Variants in FKBP15 observed in about 807,000 individuals in gnomAD.
FKBP15 encodes the protein FKBP prolyl isomerase family member 15.
A neutral mutation model predicts 158.1 loss-of-function variants in FKBP15; 106 were observed. The observed-to-expected ratio is 0.67, with a 90% CI of 0.57 to 0.79. The LOEUF is 0.79. FKBP15 is among the 30% of genes least tolerant of loss of function. FKBP15 has a pLI of 0.00. For missense variants in FKBP15, 1,287 were observed against 1,479.1 expected, an observed-to-expected ratio of 0.87 and a Z score of 2.13; for synonymous variants, 547 against 548.6, an observed-to-expected ratio of 1.00 and a Z score of 0.04.
chr9:113,173,645 G>A lies in FKBP15; in HGVS notation c.2380-40C>T, dbSNP rs532219261. On this transcript the variant is annotated intron_variant, in intron 22 of 27. Transcript: ENST00000238256. ...TAATGACCATATCATCCTTGGGGGT[G>A]GGGGAGTGAGATTCCATTGCACCTA... is the stretch of plus-strand genomic sequence containing the variant. 1.3e-5 allele frequency: 21 copies of A among 1,592,662 alleles called. No homozygotes were observed. In the South Asian group the frequency reaches 1.8e-4, roughly 14 times the overall value.
rs773442349 is a variant in FKBP15 at position 113,198,936 on chromosome 9, C to G, written c.649-13G>C. On this transcript the variant is annotated splice_polypyrimidine_tract_variant and intron_variant, in intron 7 of 27. Coordinates refer to ENST00000238256, the MANE Select transcript of FKBP15 (RefSeq NM_015258.2). The surrounding 1 kb of genome is among the most constrained non-coding windows in gnomAD (Gnocchi z 5.2). ...TGGAGTCGAAAACCTGCAATTTGATCGAAGGAAATTAGGCCAGCCAATTTC... is the reference window on the plus strand; with the variant it reads ...TGGAGTCGAAAACCTGCAATTTGATGGAAGGAAATTAGGCCAGCCAATTTC... The G allele has an allele frequency of 5.0e-6, 8 of 1,586,608 alleles. No individual in the cohort carries two copies. Among genetic ancestry groups the G allele is most frequent in the South Asian group, 1.1e-5 (1 of 87,092 alleles).
intron 3 of FKBP15, 134 bp from the exon 4 acceptor site, chr9:113,206,712 A>ATTTTTTTTTTTTTTT (rs35902681): frequency 3.9e-6 from 1 of 258,370 alleles, no homozygotes; most frequent in African/African-American, 4.7e-5. Context: ...GCGGTTTAAA[A>ATTTTTTTTTTTTTTT]TTTTTTTTTT....
chr9:113,171,709 G>A lies in FKBP15; in HGVS notation c.2533-3C>T. 1.3e-6 allele frequency: 2 copies of A among 1,573,630 alleles called. No individual in the cohort carries two copies. The highest frequency in any genetic ancestry group is 1.7e-6 in the Non-Finnish European group (2 of 1,161,736). The stretch of plus-strand genomic sequence containing the variant: ...ATTTGGGCCTGGAGGGCTAAACACT[G>A]CAAAACAAACAGACTGTGGCTGTGG... On this transcript the variant is annotated splice_polypyrimidine_tract_variant and splice_region_variant and intron_variant, in intron 23 of 27. Coordinates refer to ENST00000238256, the MANE Select transcript of FKBP15 (RefSeq NM_015258.2).
intron 25 of FKBP15, 109 bp from the exon 26 acceptor site, chr9:113,170,051 G>T: frequency 7.4e-7 from 1 of 1,349,588 alleles, no homozygotes; most frequent in Non-Finnish European, 9.8e-7. Flanking sequence ...CTTCTTTCCT[G>T]TTAAAAGAGG....
intron 11 of FKBP15, among the ~76,000 whole-genome samples, chr9:113,192,481 T>C (rs1830594648): frequency 6.6e-6 from 1 of 152,106 alleles, no homozygotes; most frequent in Non-Finnish European, 1.5e-5. Context: ...ACCATATGCA[T>C]CCTTCTTAAA....
chr9:113,169,982 C>T, intron 25 of FKBP15, 40 bp from the exon 26 acceptor site: 1 of 1,491,080 alleles, frequency 6.7e-7, no homozygotes, highest in Non-Finnish European at 8.9e-7. Flanking sequence ...CTGAAAGGAA[C>T]ACAGTAGCCA....
At chr9:113,203,059 G>GAAA in intron 4 of FKBP15, 24 bp from the exon 5 acceptor site, 1 of 1,240,340 alleles carries the variant, frequency 8.1e-7, no homozygotes, top group Non-Finnish European at 1.1e-6. Flanking sequence ...ACGACAGATA[G>GAAA]AAAAAAAAAA....
At chr9:113,192,106 G>A (rs985966702) in intron 11 of FKBP15, among the ~76,000 whole-genome samples, 4 of 151,814 alleles carry the variant, frequency 2.6e-5, no homozygotes, top group African/African-American at 9.7e-5. Flanking sequence ...CTTAGAAATA[G>A]GTAACGAGTT....
At position 113,169,788 on chromosome 9, in the gene FKBP15, C is replaced by G. The variant is rs767319161; in HGVS notation, c.2921G>C (p.Arg974Thr). 1.9e-6 allele frequency: 3 copies of G among 1,593,272 alleles called. No individual in the cohort carries two copies. Among genetic ancestry groups the G allele is most frequent in the Non-Finnish European group, 2.6e-6 (3 of 1,169,346 alleles). ...CACCATGGGGGACTCTGGCCTCTCCCTATTCAGGGGTGCTTGAGGCTGCCC... is the reference window on the plus strand; with the variant it reads ...CACCATGGGGGACTCTGGCCTCTCCGTATTCAGGGGTGCTTGAGGCTGCCC... ...SSGQPQAPLN[R>T]ERPESPMVPS... The change falls in exon 26 of 28, where the codon AGG (arginine) becomes ACG (threonine). Residue 974 changes from arginine to threonine, a missense_variant. Arg to Thr is a moderately conservative substitution (Grantham distance 71). Transcript: ENST00000238256.
At chr9:113,172,320 T>C (rs1193586999) in intron 23 of FKBP15, among the ~76,000 whole-genome samples, 1 of 152,196 alleles carries the variant, frequency 6.6e-6, no homozygotes, top group Non-Finnish European at 1.5e-5. Flanking sequence ...CATGTGCATG[T>C]GTCTTTATAG....
chr9:113,169,231 G>T lies in FKBP15; in HGVS notation c.3478C>A (p.Arg1160Ser). 1 of 1,612,608 alleles carries T rather than the reference G, an allele frequency of 6.2e-7. No homozygotes were observed. Among genetic ancestry groups the T allele is most frequent in the African/African-American group, 1.3e-5 (1 of 75,044 alleles). Residue 1160 changes from arginine to serine, a missense_variant, in exon 26 of 28, where the codon CGT becomes AGT. Physicochemically the swap from Arg to Ser is moderately radical, Grantham distance 110. Transcript: ENST00000238256. ...GTGCTCAGAGGAACATACCTGGAAC[G>T]CTGGGAATGATGGCTGGGTCTGAGG... is the stretch of plus-strand genomic sequence containing the variant. ...AALRPSHHSQ[R>S]SSLSGDEEDE...
intron 12 of FKBP15, 107 bp from the exon 13 acceptor site, chr9:113,188,598 A>G: frequency 1.1e-6 from 1 of 878,378 alleles, no homozygotes; most frequent in East Asian, 2.6e-5. Context: ...TTCTAGGCAA[A>G]GAAGAGGAAG....
chr9:113,187,817 T>G lies in FKBP15; in HGVS notation c.1359A>C (p.Val453=). The G allele has an allele frequency of 6.2e-7, 1 of 1,613,914 alleles. No homozygotes were observed. Among genetic ancestry groups the G allele is most frequent in the Non-Finnish European group, 8.5e-7 (1 of 1,179,810 alleles). The change falls in exon 14 of 28, where the codon GTA becomes GTC. Residue 453 remains valine (V), a synonymous_variant. Coordinates refer to ENST00000238256, the MANE Select transcript of FKBP15 (RefSeq NM_015258.2). ...CCTGAAAGGATTGGGCATTTCCAGA[T>G]ACAGCTGAGTGGGAATCGAGAGATG... The part of the protein sequence containing the change: ...QVSSLDSHSA[V]SGNAQSFQPY...
At chr9:113,210,543 G>C (rs547952441) in intron 2 of FKBP15, among the ~76,000 whole-genome samples, 1 of 152,296 alleles carries the variant, frequency 6.6e-6, no homozygotes, top group African/African-American at 2.4e-5. Context: ...ATGTTGGCCA[G>C]AATCGTCTCG....
intron 8 of FKBP15, among the ~76,000 whole-genome samples, chr9:113,197,353 G>T (rs1471524645): frequency 1.3e-5 from 2 of 152,104 alleles, no homozygotes; most frequent in Non-Finnish European, 2.9e-5. Flanking sequence ...CAGTAAGAGA[G>T]AAAGAAAAGC....
intron 13 of FKBP15, among the ~76,000 whole-genome samples, 181 bp downstream of exon 13, chr9:113,188,208 C>G (rs2118896748): frequency 6.6e-6 from 1 of 152,318 alleles, no homozygotes. Context: ...AACCAGCAGC[C>G]AGGTCCATCT....
chr9:113,203,686 C>G (rs1334334471), intron 4 of FKBP15, among the ~76,000 whole-genome samples: 2 of 152,228 alleles, frequency 1.3e-5, no homozygotes, highest in Non-Finnish European at 1.5e-5. Context: ...CGCCACCACA[C>G]CCTACTAATT....
At chr9:113,213,924 G>A (rs1347496670) in intron 1 of FKBP15, among the ~76,000 whole-genome samples, 1 of 152,158 alleles carries the variant, frequency 6.6e-6, no homozygotes, top group Admixed American at 6.5e-5. Flanking sequence ...GGCTTGCTGT[G>A]TTAACTCTTT....
In FKBP15 at chr9:113,163,768, T is replaced by G. The variant is rs952753769; in HGVS notation, c.*2310A>C. 1 of 152,630 alleles carries G rather than the reference T, an allele frequency of 6.6e-6. No homozygotes were observed. The highest frequency in any genetic ancestry group is 2.4e-5 in the African/African-American group (1 of 41,466). The allele number at this position is 152,630 out of a possible 1,614,324, so 9.5% of individuals were successfully genotyped here. A position where few individuals can be genotyped will look rare whatever the true frequency, so the allele number is the denominator to read the frequency against. On this transcript the variant is annotated 3_prime_UTR_variant, in exon 28 of 28. Coordinates refer to ENST00000238256, the MANE Select transcript of FKBP15 (RefSeq NM_015258.2). Reference sequence around the variant, plus strand: ...GAAGCTCTTCGTGGCCTCAATGCCCTCCTTTATCCTCATCTTTCTTCTATG... The same window carrying G: ...GAAGCTCTTCGTGGCCTCAATGCCCGCCTTTATCCTCATCTTTCTTCTATG...
Sources: gnomAD v4.1 joint callset for allele counts (sites outside exome capture counted in the v4.1 genomes callset) on GRCh38, gnomAD v4.1.1 for gene constraint, Gnocchi (gnomAD v3.1) non-coding constraint, MANE v1.5 for transcripts, NCBI Gene and HGNC (gene_info 2026-07-23, HGNC 2026-07-21) for gene names.